MRPS23: variants seen among roughly 807,000 people sequenced by gnomAD.
MRPS23 encodes the protein mitochondrial ribosomal protein S23.
Under a neutral mutation model 19.8 loss-of-function variants are expected in MRPS23, and 14 were observed. That is an observed-to-expected ratio of 0.71 (90% CI 0.47 to 1.11). The LOEUF (loss-of-function observed/expected upper bound fraction) is 1.11, where lower values mean the gene tolerates loss of function less well. Among genes scored for constraint, MRPS23 ranks in the 50% least tolerant of loss-of-function variants. The pLI is 0.00. For synonymous variants in MRPS23, 113 were observed against 89.7 expected (o/e 1.26, Z -1.47); for missense variants, 242 against 236.7 (o/e 1.02, Z -0.15).
rs529482025 is a variant in MRPS23, at chr17:57,838,568, G to A, written c.*1215C>T. 1 of 152,256 alleles carries A rather than the reference G, an allele frequency of 6.6e-6. No homozygotes were observed. Among genetic ancestry groups the A allele is most frequent in the East Asian group, 1.9e-4 (1 of 5,176 alleles). The allele number at this position is 152,256 out of a possible 1,614,324, so 9.4% of individuals were successfully genotyped here. ...GGCCCGATGTTTGGTCTCAATGGTTGTGTAATGTCTCTGAATGGATGAAAT... is the reference window on the plus strand; with the variant it reads ...GGCCCGATGTTTGGTCTCAATGGTTATGTAATGTCTCTGAATGGATGAAAT... On this transcript the variant is annotated 3_prime_UTR_variant, in exon 5 of 5. Transcript: ENST00000313608.
chr17:57,848,265 C>G (rs1340727967), intron 2 of MRPS23, among the ~76,000 whole-genome samples: 2 of 151,394 alleles, frequency 1.3e-5, no homozygotes, highest in African/African-American at 4.9e-5. Flanking sequence ...AAATTTTCTA[C>G]AAGTAGCATG....
intron 2 of MRPS23, among the ~76,000 whole-genome samples, chr17:57,844,059 C>T (rs1169511507): frequency 6.6e-6 from 1 of 150,974 alleles, no homozygotes; most frequent in African/African-American, 2.4e-5. Context: ...TATGATCTCA[C>T]TTTTTACACT....
Position 57,849,058 on chromosome 17 carries a change from C to T in MRPS23, c.215+182G>A, listed in dbSNP as rs371666739. 1.6e-4 allele frequency: 114 copies of T among 714,418 alleles called. No individual in the cohort carries two copies. In the East Asian group the frequency reaches 2.5e-3, roughly 15 times the overall value. The allele number at this position is 714,418 out of a possible 1,614,324, so 44.3% of individuals were successfully genotyped here. A position where few individuals can be genotyped will look rare whatever the true frequency, so the allele number is the denominator to read the frequency against. Reference sequence around the variant, plus strand: ...CTTTCGGTTGCTGGGCTCCAGATTCCACTTTTCAGAACTTCAGTTTCACTA... The same window carrying T: ...CTTTCGGTTGCTGGGCTCCAGATTCTACTTTTCAGAACTTCAGTTTCACTA... On this transcript the variant is annotated intron_variant, in intron 2 of 4. Coordinates refer to ENST00000313608, the MANE Select transcript of MRPS23 (RefSeq NM_016070.4).
chr17:57,839,852 C>G lies in MRPS23; in HGVS notation c.504G>C (p.Gln168His). 2 of 1,614,240 alleles carry G rather than the reference C, an allele frequency of 1.2e-6. No individual in the cohort carries two copies. Among genetic ancestry groups the G allele is most frequent in the Non-Finnish European group, 1.7e-6 (2 of 1,180,042 alleles). The change falls in exon 5 of 5, where the codon CAG (glutamine) becomes CAC (histidine). Residue 168 changes from glutamine to histidine, a missense_variant. Transcript: ENST00000313608. ...PQTALEENET[Q>H]KEVPQDQHLE... Reference sequence around the variant, plus strand: ...AATGCTGGTCCTGTGGAACTTCTTTCTGAGTCTCGTTTTCTTCCAACGCAG... The same window carrying G: ...AATGCTGGTCCTGTGGAACTTCTTTGTGAGTCTCGTTTTCTTCCAACGCAG...
At chr17:57,846,010 G>A (rs1162850280) in intron 2 of MRPS23, among the ~76,000 whole-genome samples, 1 of 151,084 alleles carries the variant, frequency 6.6e-6, no homozygotes, top group Non-Finnish European at 1.5e-5. Flanking sequence ...GGGGCAGTAT[G>A]AACAAAATTC....
Position 57,849,274 on chromosome 17 carries a change from G to A in MRPS23, c.181C>T (p.Gln61Ter). The stretch of plus-strand genomic sequence containing the variant: ...CGATCCTCGTGGTACCAGATGTCTT[G>A]GATGGGAGCTTTGGCTTTGCCATAT... ...VRYGKAKAPI[Q>*]DIWYHEDRIR... The change falls in exon 2 of 5, where the codon CAA (glutamine) becomes TAA (stop). Residue 61 changes from glutamine to a stop codon, truncating the protein, a stop_gained. Coordinates refer to ENST00000313608, the MANE Select transcript of MRPS23 (RefSeq NM_016070.4). LOFTEE classifies it high-confidence loss of function. 1 of 1,614,218 alleles carries A rather than the reference G, an allele frequency of 6.2e-7. No homozygotes were observed. Among genetic ancestry groups the A allele is most frequent in the Non-Finnish European group, 8.5e-7 (1 of 1,180,038 alleles).
At position 57,849,278 on chromosome 17, in the gene MRPS23, G is replaced by A; in HGVS notation, c.177C>T (p.Pro59=). ...CCTCGTGGTACCAGATGTCTTGGATGGGAGCTTTGGCTTTGCCATATCGCA... is the reference window on the plus strand; with the variant it reads ...CCTCGTGGTACCAGATGTCTTGGATAGGAGCTTTGGCTTTGCCATATCGCA... ...PRVRYGKAKA[P]IQDIWYHEDR... The change falls in exon 2 of 5, where the codon CCC becomes CCT. Residue 59 remains proline (P), a synonymous_variant. Coordinates refer to ENST00000313608, the MANE Select transcript of MRPS23 (RefSeq NM_016070.4). 4 of 1,614,222 alleles carry A rather than the reference G, an allele frequency of 2.5e-6. No homozygotes were observed. The highest frequency in any genetic ancestry group is 3.4e-6 in the Non-Finnish European group (4 of 1,180,038).
At chr17:57,849,140 ACCC>A in intron 2 of MRPS23, 97 bp downstream of exon 2, 1 of 1,480,868 alleles carries the variant, frequency 6.8e-7, no homozygotes, top group East Asian at 2.3e-5. Context: ...CACAGGGCAA[ACCC>A]CTGACTCAAT....
chr17:57,849,412 T>C lies in MRPS23; in HGVS notation c.45-2A>G. On this transcript the variant is annotated splice_acceptor_variant, in intron 1 of 4. Coordinates refer to ENST00000313608, the MANE Select transcript of MRPS23 (RefSeq NM_016070.4). LOFTEE classifies it high-confidence loss of function. ...CCGGCCCGAACCAGGTCCCGAGTCC[T>C]TAGGGAGGGAACAGAACGAAACTGG... The C allele has an allele frequency of 6.2e-7, 1 of 1,613,448 alleles. No individual in the cohort carries two copies. The highest frequency in any genetic ancestry group is 8.5e-7 in the Non-Finnish European group (1 of 1,179,872).
At position 57,839,769 on chromosome 17, in the gene MRPS23, A is replaced by G. The variant is rs1455543097; in HGVS notation, c.*14T>C. ...GTAGAGTGTGAATGCCAGCATACAC[A>G]GTATACAGGTCCTTCAGGGAGGCAA... On this transcript the variant is annotated 3_prime_UTR_variant, in exon 5 of 5. Transcript: ENST00000313608. 4 of 1,612,958 alleles carry G rather than the reference A, an allele frequency of 2.5e-6. No individual in the cohort carries two copies. The highest frequency in any genetic ancestry group is 1.3e-5 in the African/African-American group (1 of 74,902).
chr17:57,843,836 T>C (rs2073755498), intron 2 of MRPS23, among the ~76,000 whole-genome samples: 1 of 152,246 alleles, frequency 6.6e-6, no homozygotes, highest in African/African-American at 2.4e-5. Flanking sequence ...GCAAACTTTG[T>C]AGCCATATAC....
intron 2 of MRPS23, among the ~76,000 whole-genome samples, chr17:57,848,050 A>G (rs559768762): frequency 7.2e-4 from 110 of 152,186 alleles, no homozygotes; most frequent in Non-Finnish European, 1.4e-3. Flanking sequence ...GGATAAAGTA[A>G]GAACTCTCAG....
rs1207983174 is a variant in MRPS23, at chr17:57,835,402, T to A, written c.*4381A>T. On this transcript the variant is annotated 3_prime_UTR_variant, in exon 5 of 5. Transcript: ENST00000313608. ...CCTCCTTTTTGGTCCCTCTGACATGTCTCCTCTTTCCTCCTTCCCTGCCCA... is the reference window on the plus strand; with the variant it reads ...CCTCCTTTTTGGTCCCTCTGACATGACTCCTCTTTCCTCCTTCCCTGCCCA... 6.6e-6 allele frequency: 1 copy of A among 152,350 alleles called. No homozygotes were observed. Among genetic ancestry groups the A allele is most frequent in the African/African-American group, 2.4e-5 (1 of 41,422 alleles). 9.4% of individuals were successfully genotyped at this position (152,350 alleles called of 1,614,324 possible).
Position 57,839,748 on chromosome 17 carries a change from A to T in MRPS23, c.*35T>A. 1 of 1,557,662 alleles carries T rather than the reference A, an allele frequency of 6.4e-7. No homozygotes were observed. Among genetic ancestry groups the T allele is most frequent in the Non-Finnish European group, 8.8e-7 (1 of 1,134,056 alleles). ...AGCTCAACATTCAGCCAGTGAGTAG[A>T]GTGTGAATGCCAGCATACACAGTAT... On this transcript the variant is annotated 3_prime_UTR_variant, in exon 5 of 5. Transcript: ENST00000313608.
intron 3 of MRPS23, 56 bp downstream of exon 3, chr17:57,841,127 A>G: frequency 6.2e-7 from 1 of 1,609,116 alleles, no homozygotes. Flanking sequence ...TATCAAATGG[A>G]TAACAAAATC....
At chr17:57,845,008 C>T (rs1004974451) in intron 2 of MRPS23, among the ~76,000 whole-genome samples, 1 of 152,030 alleles carries the variant, frequency 6.6e-6, no homozygotes, top group African/African-American at 2.4e-5. Context: ...AGCGATCCTC[C>T]CACCTCAGCC....
In MRPS23 at chr17:57,849,970, G is replaced by T; in HGVS notation, c.41C>A (p.Ser14Tyr). Residue 14 changes from serine (S) to tyrosine (Y), a missense_variant, in exon 1 of 5, where the codon TCT becomes TAT. Coordinates refer to ENST00000313608, the MANE Select transcript of MRPS23 (RefSeq NM_016070.4). ...CACCACGGCTGGGAGCACACACCGA[G>T]AGAAGATGCTCCCTACGGTTTCCAG... ...SRLETVGSIFSRTRDLVRAGV... is the reference protein window; with the variant it reads ...SRLETVGSIFYRTRDLVRAGV... 6.3e-7 allele frequency: 1 copy of T among 1,589,510 alleles called. No individual in the cohort carries two copies.
Position 57,841,224 on chromosome 17 carries a change from A to C in MRPS23, c.252T>G (p.Ala84=). ...FYSVYGSGQR[A]FDLFNPNFKS... ...TGAAGTTTGGATTGAATAGATCAAA[A>C]GCTCTTTGACCAGACCCATACACTG... Residue 84 remains alanine (A), a synonymous_variant, in exon 3 of 5, where the codon GCT becomes GCG. Coordinates refer to ENST00000313608, the MANE Select transcript of MRPS23 (RefSeq NM_016070.4). 1 of 1,614,036 alleles carries C rather than the reference A, an allele frequency of 6.2e-7. No individual in the cohort carries two copies. Among genetic ancestry groups the C allele is most frequent in the East Asian group, 2.2e-5 (1 of 44,890 alleles).
intron 2 of MRPS23, among the ~76,000 whole-genome samples, chr17:57,845,866 G>C (rs1473454750): frequency 1.3e-5 from 2 of 152,164 alleles, no homozygotes; most frequent in Non-Finnish European, 2.9e-5. Flanking sequence ...GCCACACAAT[G>C]GGCTAGGCAC....
Sources: allele counts gnomAD v4.1 joint callset (sites outside exome capture counted in the v4.1 genomes callset), GRCh38; gene constraint gnomAD v4.1.1; transcripts MANE v1.5; gene names NCBI Gene and HGNC (gene_info 2026-07-23, HGNC 2026-07-21).